Variants in PARP10 observed in about 807,000 individuals in gnomAD.
The protein encoded by PARP10 is poly(ADP-ribose) polymerase family member 10.
A neutral mutation model predicts 82.4 loss-of-function variants in PARP10; 56 were observed. The observed-to-expected ratio is 0.68, with a 90% CI of 0.55 to 0.85. The LOEUF is 0.85. Among genes scored for constraint, PARP10 ranks in the 40% least tolerant of loss-of-function variants. The pLI is 0.00. For missense variants in PARP10, 1,227 were observed against 1,379.4 expected, an observed-to-expected ratio of 0.89 and a Z score of 1.75; for synonymous variants, 576 against 601.1, an observed-to-expected ratio of 0.96 and a Z score of 0.61.
chr8:143,980,599 A>G (rs1833829044), intron 9 of PARP10, among the ~76,000 whole-genome samples: 1 of 151,686 alleles, frequency 6.6e-6, no homozygotes, highest in Admixed American at 6.6e-5. Context: ...ATATACGTAA[A>G]TTTAAAAGTC....
upstream of PARP10, chr8:143,992,459 C>G (rs1021092798): frequency 1.2e-6 from 2 of 1,614,138 alleles, no homozygotes; most frequent in Middle Eastern, 1.6e-4. Context: ...CCTCTCCCAC[C>G]TGCAGACCCG....
Position 143,983,275 on chromosome 8 carries a change from G to C in PARP10, c.2314C>G (p.Arg772Gly). Residue 772 changes from arginine to glycine, a missense_variant, in exon 8 of 11, where the codon CGT becomes GGT. Transcript: ENST00000313028. ...CGGGCAGGGTGGGCCCCGAAGCCAC[G>C]GAGGATGGTGCAGTCACCACGCAGG... ...VALRGDCTIL[R>G]GFGAHPARAA... 2 of 1,612,902 alleles carry C rather than the reference G, an allele frequency of 1.2e-6. No individual in the cohort carries two copies. The highest frequency in any genetic ancestry group is 1.7e-6 in the Non-Finnish European group (2 of 1,179,754).
chr8:143,987,608 G>A (rs1266268988), upstream of PARP10, among the ~76,000 whole-genome samples: 5 of 152,158 alleles, frequency 3.3e-5, no homozygotes, highest in South Asian at 4.1e-4. Context: ...CCAAAGTCCT[G>A]GGGGCCGGGC....
At chr8:143,978,112 ACCCT>A (rs1554746879) in intron 9 of PARP10, 31 bp from the exon 10 acceptor site, 2 of 1,465,832 alleles carry the variant, frequency 1.4e-6, no homozygotes, top group Non-Finnish European at 1.8e-6. Flanking sequence ...AGGATTAAAC[ACCCT>A]CCCTACGCCC....
At position 144,012,448 on chromosome 8, in the gene PARP10, T is replaced by C. The variant is rs11994057; in HGVS notation, c.-80+82A>G. On this transcript the variant is annotated intron_variant, in intron 1 of 3. Coordinates refer to the PARP10 transcript ENST00000530478. ...ACCCTCCTTCAGCCCAGGCAAGGCC[T>C]GGGGCCCTGGGCAGCCTCCAGGTGC... 7.0e-3 allele frequency: 9,890 copies of C among 1,418,728 alleles called. 601 individuals are homozygous for C. The African/African-American group carries it at 0.12, about 18-fold the overall frequency. The allele number at this position is 1,418,728 out of a possible 1,614,324, so 87.9% of individuals were successfully genotyped here. A position where few individuals can be genotyped will look rare whatever the true frequency, so the allele number is the denominator to read the frequency against.
At chr8:143,991,941 G>T (rs1202070409), upstream of PARP10, 1 of 1,613,764 alleles carries the variant, frequency 6.2e-7, no homozygotes, top group Non-Finnish European at 8.5e-7. Context: ...GTTCACTTTT[G>T]TTGCGGAGGT....
chr8:144,002,916 CAAAT>C (rs1307910495), intron 1 of PARP10, among the ~76,000 whole-genome samples: 1 of 152,080 alleles, frequency 6.6e-6, no homozygotes, highest in Non-Finnish European at 1.5e-5. Flanking sequence ...ATCTCAAAAA[CAAAT>C]TAATTAAATT....
At chr8:143,978,223 C>G (rs1298701977) in intron 9 of PARP10, 142 bp from the exon 10 acceptor site, 8 of 986,988 alleles carry the variant, frequency 8.1e-6, no homozygotes, top group Non-Finnish European at 1.1e-5. Flanking sequence ...CCATCATGCT[C>G]TGTCCAGCAG....
intron 1 of PARP10, among the ~76,000 whole-genome samples, chr8:144,010,494 G>C (rs1554752382): frequency 6.6e-6 from 1 of 152,206 alleles, no homozygotes; most frequent in Non-Finnish European, 1.5e-5. Flanking sequence ...AATCTGTAAG[G>C]CAGGCTGGCA....
chr8:143,996,789 TAGA>T (rs1268906140), intron 1 of PARP10, among the ~76,000 whole-genome samples: 5 of 151,986 alleles, frequency 3.3e-5, no homozygotes, highest in Non-Finnish European at 7.4e-5. Context: ...GGGAAGCAGG[TAGA>T]AGAAGGAGAG....
chr8:143,994,924 G>GT, upstream of PARP10, among the ~76,000 whole-genome samples: 1 of 151,366 alleles, frequency 6.6e-6, no homozygotes, highest in East Asian at 1.9e-4. Flanking sequence ...AGAATAAAGT[G>GT]TTTATGTGGC....
chr8:144,006,072 C>T (rs1834234907), intron 1 of PARP10, among the ~76,000 whole-genome samples: 1 of 152,196 alleles, frequency 6.6e-6, no homozygotes, highest in Non-Finnish European at 1.5e-5. Flanking sequence ...CCCAGTGCTC[C>T]CCAGTCCCCT....
chr8:144,009,422 C>T (rs1554752278), intron 1 of PARP10, among the ~76,000 whole-genome samples: 1 of 152,196 alleles, frequency 6.6e-6, no homozygotes, highest in African/African-American at 2.4e-5. Flanking sequence ...TTTCCTGTCG[C>T]TGTGGGCACT....
At chr8:143,986,923 T>G (rs1834001343), upstream of PARP10, 1 of 164,826 alleles carries the variant, frequency 6.1e-6, no homozygotes, top group Admixed American at 5.9e-5. Flanking sequence ...ACCTGCCAGG[T>G]GCTGAGCATG....
At chr8:144,005,889 C>CA (rs1834232877) in intron 1 of PARP10, among the ~76,000 whole-genome samples, 1 of 152,168 alleles carries the variant, frequency 6.6e-6, no homozygotes, top group Admixed American at 6.5e-5. Context: ...CCACCTTCCG[C>CA]ACGGAGCACA....
In PARP10 at chr8:143,980,318, T is replaced by TAAAAAAAAAA. The variant is rs1564247548; in HGVS notation, c.2557-2238_2557-2237insTTTTTTTTTT. 1.3e-3 allele frequency among the ~76,000 whole-genome samples: 21 copies of TAAAAAAAAAA among 15,680 alleles called. 1 individual carries two copies. Among genetic ancestry groups the TAAAAAAAAAA allele is most frequent in the African/African-American group, 2.9e-3 (21 of 7,192 alleles). 10.3% of individuals were successfully genotyped at this position (15,680 alleles called of 152,430 possible). On this transcript the variant is annotated intron_variant, in intron 9 of 10. Transcript: ENST00000313028. ...CTGGGCTACTGAGTGAGATTCCGTC[T>TAAAAAAAAAA]CAAAAAAAAAAAAAAAAAAAAAAAA...
chr8:143,992,769 G>A (rs184930535), upstream of PARP10: 27 of 1,613,818 alleles, frequency 1.7e-5, no homozygotes, highest in Middle Eastern at 1.6e-4. Context: ...TGTTTGCTGC[G>A]CTGAACCTGT....
rs180713097 is a variant in PARP10 at position 143,982,182 on chromosome 8, G to A, written c.2556+750C>T. On this transcript the variant is annotated intron_variant, in intron 9 of 10. Transcript: ENST00000313028. The stretch of plus-strand genomic sequence containing the variant: ...GGGCATCAAGAGTTGAGAGTGCCCC[G>A]TGCAAGGCCGGGCGCGGTGGCTCAC... Among the ~76,000 whole-genome samples the A allele has an allele frequency of 1.5e-3, 236 of 152,260 alleles. 3 individuals are homozygous for A. Among genetic ancestry groups the A allele is most frequent in the African/African-American group, 5.3e-3 (222 of 41,540 alleles).
upstream of PARP10, chr8:143,992,045 C>G (rs782131803): frequency 6.2e-6 from 10 of 1,613,924 alleles, no homozygotes; most frequent in South Asian, 1.1e-4. Context: ...GTGGGGACTT[C>G]CGGCGAAAGC....
Sources: gnomAD v4.1 joint callset for allele counts (sites outside exome capture counted in the v4.1 genomes callset) on GRCh38, gnomAD v4.1.1 for gene constraint, MANE v1.5 for transcripts, NCBI Gene and HGNC (gene_info 2026-07-23, HGNC 2026-07-21) for gene names.